TMED7: variants seen among roughly 807,000 people sequenced by gnomAD.
TMED7 encodes transmembrane emp24 domain-containing protein 7.
A neutral mutation model predicts 23.4 loss-of-function variants in TMED7; 8 were observed. The ratio of observed to expected loss-of-function variants is 0.34; its 90% CI spans 0.20 to 0.62. TMED7 has a LOEUF of 0.62. Ranked by LOEUF, TMED7 falls within the 20% of genes least tolerant of loss-of-function variation. The probability of loss-of-function intolerance (pLI) is 0.77; values close to 1 mark genes in which losing one functional copy is unlikely to be tolerated. For synonymous variants in TMED7, 121 were observed against 108.5 expected, an observed-to-expected ratio of 1.12 and a Z score of -0.72; for missense variants, 232 against 279.1, an observed-to-expected ratio of 0.83 and a Z score of 1.20.
At chr5:115,620,729 A>G in intron 1 of TMED7, 49 bp from the exon 2 acceptor site, 1 of 1,332,456 alleles carries the variant, frequency 7.5e-7, no homozygotes, top group East Asian at 2.8e-5. Flanking sequence ...GTGAAAAATT[A>G]ATCAGATTTA....
chr5:115,617,435 A>G (rs1756816112), intron 2 of TMED7, among the ~76,000 whole-genome samples: 1 of 152,218 alleles, frequency 6.6e-6, no homozygotes. Flanking sequence ...CTTTTAAAAA[A>G]TGTAAGAAAT....
chr5:115,623,868 A>C (rs80050958), intron 1 of TMED7, among the ~76,000 whole-genome samples: 6,689 of 152,300 alleles, frequency 0.044, 180 homozygotes, highest in Middle Eastern at 0.12. Context: ...CTCTGAGATC[A>C]AAGTCAGTCT....
intron 2 of TMED7, among the ~76,000 whole-genome samples, chr5:115,617,078 G>A (rs1162505355): frequency 1.3e-5 from 2 of 152,150 alleles, no homozygotes; most frequent in African/African-American, 4.8e-5. Context: ...GTTCCCAACA[G>A]GATGCAAGTT....
intron 1 of TMED7, among the ~76,000 whole-genome samples, chr5:115,622,152 G>A (rs754401605): frequency 5.3e-5 from 8 of 152,048 alleles, no homozygotes; most frequent in East Asian, 1.9e-4. Context: ...TGAATTATAC[G>A]TATTTGACCA....
intron 1 of TMED7, among the ~76,000 whole-genome samples, chr5:115,625,380 G>T (rs540390585): frequency 2.6e-5 from 4 of 152,178 alleles, no homozygotes; most frequent in Non-Finnish European, 5.9e-5. Context: ...AAATGCTAAA[G>T]GGAGCATTTC....
intron 2 of TMED7, among the ~76,000 whole-genome samples, chr5:115,618,197 A>G (rs1756866366): frequency 6.6e-6 from 1 of 152,212 alleles, no homozygotes; most frequent in Admixed American, 6.5e-5. Context: ...AGATTAACAC[A>G]TGGCTAATCT....
At chr5:115,622,692 A>G (rs901374861) in intron 1 of TMED7, among the ~76,000 whole-genome samples, 9 of 152,192 alleles carry the variant, frequency 5.9e-5, no homozygotes, top group African/African-American at 2.2e-4. Flanking sequence ...CCCATTGAGC[A>G]ATCACTTAAA....
intron 1 of TMED7, among the ~76,000 whole-genome samples, chr5:115,624,782 T>G (rs1303916729): frequency 6.6e-6 from 1 of 152,210 alleles, no homozygotes; most frequent in Admixed American, 6.5e-5. Flanking sequence ...CAGCTTAAAA[T>G]AATTTTCCAA....
At chr5:115,617,341 A>G (rs1366436077) in intron 2 of TMED7, among the ~76,000 whole-genome samples, 1 of 152,218 alleles carries the variant, frequency 6.6e-6, no homozygotes, top group East Asian at 1.9e-4. Context: ...GTTAAGGAAT[A>G]TAGAAATTAG....
intron 1 of TMED7, among the ~76,000 whole-genome samples, chr5:115,623,807 A>G (rs1375475827): frequency 6.6e-6 from 1 of 152,156 alleles, no homozygotes; most frequent in Non-Finnish European, 1.5e-5. Context: ...CCTAGTGTGT[A>G]CCTTTATTGT....
At position 115,625,587 on chromosome 5, in the gene TMED7, T is replaced by G. The variant is rs1226216380; in HGVS notation, c.192+14A>C. 1.3e-6 allele frequency: 2 copies of G among 1,558,270 alleles called. No individual in the cohort carries two copies. The highest frequency in any genetic ancestry group is 1.2e-5 in the South Asian group (1 of 84,648). On this transcript the variant is annotated intron_variant, in intron 1 of 2. Transcript: ENST00000456936. The stretch of plus-strand genomic sequence containing the variant: ...CCGCGAGTTGGGGCCCAGGGACTGC[T>G]AGGCCCCTGATACCTGGAACTCCAG...
Position 115,620,603 on chromosome 5 carries a change from C to T in TMED7, c.270G>A (p.Lys90=), listed in dbSNP as rs1286143458. 4.4e-6 allele frequency: 7 copies of T among 1,601,270 alleles called. No homozygotes were observed. Among genetic ancestry groups the T allele is most frequent in the African/African-American group, 1.3e-5 (1 of 74,242 alleles). ...TGAAGGTAAAACTATCATACTGTTT[C>T]TTCATCTCTTTGTATAACACTTTAC... The part of the protein sequence containing the change: ...PDGKVLYKEM[K]KQYDSFTFTA... Residue 90 remains lysine (K), a synonymous_variant, in exon 2 of 3, where the codon AAG becomes AAA. Coordinates refer to ENST00000456936, the MANE Select transcript of TMED7 (RefSeq NM_181836.6).
chr5:115,621,213 T>C (rs939639978), intron 1 of TMED7, among the ~76,000 whole-genome samples: 1 of 152,226 alleles, frequency 6.6e-6, no homozygotes, highest in African/African-American at 2.4e-5. Context: ...ACCCCATTCA[T>C]ACTTCTATCA....
At position 115,616,038 on chromosome 5, in the gene TMED7, T is replaced by TA. The variant is rs374862642; in HGVS notation, c.*170dup. The TA allele has an allele frequency of 4.4e-6, 3 of 682,758 alleles. No homozygotes were observed. Among genetic ancestry groups the TA allele is most frequent in the East Asian group, 2.7e-5 (1 of 36,632 alleles). The allele number at this position is 682,758 out of a possible 1,614,324, so 42.3% of individuals were successfully genotyped here. On this transcript the variant is annotated 3_prime_UTR_variant, in exon 3 of 3. Coordinates refer to ENST00000456936, the MANE Select transcript of TMED7 (RefSeq NM_181836.6). ...TCCAAAGTTTTTCCACCTTTACAAA[T>TA]AAAAAAAGGTGTCCTTTCCACAGTT...
Position 115,625,964 on chromosome 5 carries a change from G to C in TMED7, c.-172C>G, listed in dbSNP as rs1196988361. 1.1e-5 allele frequency: 10 copies of C among 947,220 alleles called. No homozygotes were observed. Among genetic ancestry groups the C allele is most frequent in the East Asian group, 6.8e-5 (2 of 29,462 alleles). The allele number at this position is 947,220 out of a possible 1,614,324, so 58.7% of individuals were successfully genotyped here. A position where few individuals can be genotyped will look rare whatever the true frequency, so the allele number is the denominator to read the frequency against. ...AGAGCGACCCTCCGGCTTCCTGTGAGGGGCGCAGACGGGCGGACCTGGGGA... is the reference window on the plus strand; with the variant it reads ...AGAGCGACCCTCCGGCTTCCTGTGACGGGCGCAGACGGGCGGACCTGGGGA... On this transcript the variant is annotated 5_prime_UTR_variant, in exon 1 of 3. Transcript: ENST00000456936.
In TMED7 at chr5:115,622,185, C is replaced by A. The variant is rs189642304; in HGVS notation, c.193-1505G>T. Among the ~76,000 whole-genome samples the A allele has an allele frequency of 5.0e-4, 76 of 152,278 alleles. 1 individual carries two copies. Among genetic ancestry groups the A allele is most frequent in the Admixed American group, 4.3e-3 (66 of 15,286 alleles). The stretch of plus-strand genomic sequence containing the variant: ...CCATTGTATTCTGAATAATCAAACA[C>A]ATACATACAAACCGAATAGCACCAG... On this transcript the variant is annotated intron_variant, in intron 1 of 2. Transcript: ENST00000456936.
rs1580447649 is a variant in TMED7, at chr5:115,614,926, A to T, written c.*1283T>A. 1.5e-5 allele frequency: 2 copies of T among 133,032 alleles called. No homozygotes were observed. Among genetic ancestry groups the T allele is most frequent in the Non-Finnish European group, 3.2e-5 (2 of 61,970 alleles). The allele number at this position is 133,032 out of a possible 1,614,324, so 8.2% of individuals were successfully genotyped here. ...GCACGGCAGAAAAGCAGTTGCAATT[A>T]AAAAAAAAAAAAACAGCAGAAAAGC... On this transcript the variant is annotated 3_prime_UTR_variant, in exon 3 of 3. Coordinates refer to ENST00000456936, the MANE Select transcript of TMED7 (RefSeq NM_181836.6).
chr5:115,624,103 T>C lies in TMED7; in HGVS notation c.192+1498A>G, dbSNP rs117899050. 1.3e-3 allele frequency among the ~76,000 whole-genome samples: 200 copies of C among 152,348 alleles called. 2 individuals are homozygous for C. The East Asian group carries it at 0.033, about 25-fold the overall frequency. ...ATAACAGATGCTAATTTGTTAGCCA[T>C]TGTAGTAGTATCCTTAGCACTAATC... is the stretch of plus-strand genomic sequence containing the variant. On this transcript the variant is annotated intron_variant, in intron 1 of 2. Transcript: ENST00000456936.
intron 1 of TMED7, 134 bp from the exon 2 acceptor site, chr5:115,620,814 G>A: frequency 9.0e-7 from 1 of 1,114,010 alleles, no homozygotes; most frequent in Non-Finnish European, 1.1e-6. Context: ...TTTCACCAGT[G>A]GATGGAACTT....
Sources: gnomAD v4.1 joint callset for allele counts (sites outside exome capture counted in the v4.1 genomes callset) on GRCh38, gnomAD v4.1.1 for gene constraint, MANE v1.5 for transcripts, NCBI Gene and HGNC (gene_info 2026-07-23, HGNC 2026-07-21) for gene names.